The following ZMAT4 variants were observed in gnomAD, a reference collection of about 807,000 sequenced individuals.
ZMAT4 encodes the protein zinc finger matrin-type 4.
ZMAT4 carries 17 observed loss-of-function variants against 28.7 expected under a neutral mutation model. That is an observed-to-expected ratio of 0.59 (90% CI 0.41 to 0.89). ZMAT4 has a LOEUF of 0.89. Among genes scored for constraint, ZMAT4 ranks in the 40% least tolerant of loss-of-function variants. The pLI, the probability that ZMAT4 is intolerant of heterozygous loss-of-function variation, is 0.00. For missense variants in ZMAT4, 240 were observed against 283.8 expected, an observed-to-expected ratio of 0.85 and a Z score of 1.11; for synonymous variants, 117 against 109.2, an observed-to-expected ratio of 1.07 and a Z score of -0.44.
intron 6 of ZMAT4, among the ~76,000 whole-genome samples, chr8:40,565,925 C>G (rs1038767305): frequency 6.6e-6 from 1 of 152,074 alleles, no homozygotes; most frequent in African/African-American, 2.4e-5. Flanking sequence ...GCCCCCAGCA[C>G]TCTCTCCTGT....
chr8:40,641,628 T>C (rs929114273), intron 5 of ZMAT4, among the ~76,000 whole-genome samples: 16 of 152,236 alleles, frequency 1.1e-4, no homozygotes, highest in African/African-American at 3.6e-4. Flanking sequence ...CATCACAATC[T>C]GTGCTCTTAC....
chr8:40,667,208 T>C (rs1297502702), intron 5 of ZMAT4, among the ~76,000 whole-genome samples: 2 of 151,942 alleles, frequency 1.3e-5, no homozygotes, highest in African/African-American at 4.8e-5. Flanking sequence ...TAGGCTGGAG[T>C]GCAGTGGTGC....
At chr8:40,688,007 C>G (rs1254952303) in intron 4 of ZMAT4, among the ~76,000 whole-genome samples, 1 of 152,150 alleles carries the variant, frequency 6.6e-6, no homozygotes, top group African/African-American at 2.4e-5. Flanking sequence ...TTACTGATTT[C>G]TAAGTCTTGA....
chr8:40,698,697 T>G (rs1014625938), intron 3 of ZMAT4, among the ~76,000 whole-genome samples: 1 of 152,220 alleles, frequency 6.6e-6, no homozygotes. Flanking sequence ...ATGTGGTAGT[T>G]AGGAAATGAA....
At chr8:40,633,843 G>A (rs550072912) in intron 5 of ZMAT4, among the ~76,000 whole-genome samples, 4 of 152,204 alleles carry the variant, frequency 2.6e-5, no homozygotes, top group South Asian at 2.1e-4. Flanking sequence ...AGGGGCAGAC[G>A]TGAGTCCATG....
At chr8:40,867,816 C>G (rs1247345227) in intron 1 of ZMAT4, among the ~76,000 whole-genome samples, 1 of 152,190 alleles carries the variant, frequency 6.6e-6, no homozygotes, top group Non-Finnish European at 1.5e-5. Context: ...TTTTCCCACT[C>G]TGCATTTATT....
intron 5 of ZMAT4, among the ~76,000 whole-genome samples, chr8:40,599,902 C>T (rs1805240727): frequency 6.6e-6 from 1 of 152,192 alleles, no homozygotes; most frequent in African/African-American, 2.4e-5. Context: ...GTGCCTGAGT[C>T]ACCCTTTGGG....
At chr8:40,861,750 G>A (rs1178902199) in intron 1 of ZMAT4, among the ~76,000 whole-genome samples, 1 of 152,174 alleles carries the variant, frequency 6.6e-6, no homozygotes, top group East Asian at 1.9e-4. Flanking sequence ...CCATCAACAA[G>A]TGGGCAAAGG....
chr8:40,685,671 GCTCCAAGTGTGCACCA>G (rs1268993857), intron 4 of ZMAT4, among the ~76,000 whole-genome samples: 1 of 152,008 alleles, frequency 6.6e-6, no homozygotes, highest in Non-Finnish European at 1.5e-5. Flanking sequence ...AAAACCTGCT[GCTCCAAGTGTGCACCA>G]CCCACCAAGA....
At chr8:40,754,922 C>T (rs1812613829) in intron 3 of ZMAT4, among the ~76,000 whole-genome samples, 2 of 152,080 alleles carry the variant, frequency 1.3e-5, no homozygotes, top group South Asian at 2.1e-4. Context: ...AATTTGGAGA[C>T]TCAGGTGGGA....
At chr8:40,804,920 C>T (rs1815012341) in intron 2 of ZMAT4, among the ~76,000 whole-genome samples, 1 of 151,452 alleles carries the variant, frequency 6.6e-6, no homozygotes, top group Non-Finnish European at 1.5e-5. Context: ...ACTATAATAT[C>T]GTTTAAACCA....
chr8:40,568,518 A>T (rs1427738791), intron 6 of ZMAT4, among the ~76,000 whole-genome samples: 1 of 152,144 alleles, frequency 6.6e-6, no homozygotes, highest in African/African-American at 2.4e-5. Flanking sequence ...GCAAGGAAAA[A>T]TTCTGGGCAT....
intron 4 of ZMAT4, among the ~76,000 whole-genome samples, chr8:40,691,647 T>C (rs983816520): frequency 2.0e-5 from 3 of 152,216 alleles, no homozygotes; most frequent in African/African-American, 7.2e-5. Context: ...GTTGTGTGTA[T>C]GCTTACACTT....
intron 1 of ZMAT4, among the ~76,000 whole-genome samples, chr8:40,886,069 A>G (rs1444975846): frequency 6.6e-6 from 1 of 152,260 alleles, no homozygotes; most frequent in Non-Finnish European, 1.5e-5. Context: ...AAAAGAACAC[A>G]TAACATGTCA....
chr8:40,742,195 C>T (rs1245347169), intron 3 of ZMAT4, among the ~76,000 whole-genome samples: 3 of 151,842 alleles, frequency 2.0e-5, no homozygotes, highest in Non-Finnish European at 2.9e-5. Flanking sequence ...TTGCAGTGAG[C>T]CGTGATCATA....
At chr8:40,650,951 C>T (rs1189474261) in intron 5 of ZMAT4, among the ~76,000 whole-genome samples, 2 of 151,112 alleles carry the variant, frequency 1.3e-5, no homozygotes, top group Admixed American at 6.6e-5. Context: ...CTATCTATGA[C>T]AAACCCACAG....
intron 1 of ZMAT4, among the ~76,000 whole-genome samples, chr8:40,895,525 G>A (rs1295108136): frequency 2.0e-5 from 3 of 152,162 alleles, no homozygotes; most frequent in African/African-American, 4.8e-5. Flanking sequence ...TCTCTGTTCC[G>A]AATGGGGAAA....
At chr8:40,589,190 T>C (rs1180624165) in intron 5 of ZMAT4, among the ~76,000 whole-genome samples, 1 of 152,164 alleles carries the variant, frequency 6.6e-6, no homozygotes, top group African/African-American at 2.4e-5. Flanking sequence ...ACTCATTTAC[T>C]CTTTGCAACA....
At chr8:40,873,790 A>G (rs1309629320) in intron 1 of ZMAT4, among the ~76,000 whole-genome samples, 1 of 152,138 alleles carries the variant, frequency 6.6e-6, no homozygotes, top group Non-Finnish European at 1.5e-5. Context: ...CCTTTTGGAG[A>G]ACGTCCGTCC....
Sources: gnomAD v4.1 joint callset for allele counts (sites outside exome capture counted in the v4.1 genomes callset) on GRCh38, gnomAD v4.1.1 for gene constraint, MANE v1.5 for transcripts, NCBI Gene and HGNC (gene_info 2026-07-23, HGNC 2026-07-21) for gene names.